Variants in STAG1 observed in about 807,000 individuals in gnomAD.
STAG1 encodes the protein STAG1 cohesin complex component, also known as cohesin subunit SA-1.
In STAG1, 26 loss-of-function variants were observed where a neutral mutation model predicts 170.9. That is an observed-to-expected ratio of 0.15 (90% CI 0.11 to 0.21). The LOEUF is 0.21. STAG1 is among the 10% of genes least tolerant of loss of function. The pLI is 1.00. For synonymous variants in STAG1, 514 were observed against 497.7 expected (o/e 1.03, Z -0.44); for missense variants, 964 against 1,509.5 (o/e 0.64, Z 5.99).
At chr3:136,369,573 T>C (rs546298525) in intron 23 of STAG1, among the ~76,000 whole-genome samples, 3 of 152,270 alleles carry the variant, frequency 2.0e-5, no homozygotes, top group Admixed American at 2.0e-4. Context: ...TTTTAAAAAA[T>C]GAGTTTAAGC....
chr3:136,419,303 G>C (rs1208190991), intron 20 of STAG1, among the ~76,000 whole-genome samples: 2 of 152,122 alleles, frequency 1.3e-5, no homozygotes, highest in Non-Finnish European at 2.9e-5. Context: ...TTTGAATTTT[G>C]AAGTACTGAT....
At chr3:136,487,854 C>T (rs1480117934) in intron 9 of STAG1, among the ~76,000 whole-genome samples, 1 of 152,130 alleles carries the variant, frequency 6.6e-6, no homozygotes, top group African/African-American at 2.4e-5. Flanking sequence ...CTGTTTTGTT[C>T]TCTCTGTGAT....
chr3:136,473,844 G>A (rs918869899), intron 10 of STAG1, among the ~76,000 whole-genome samples: 12 of 151,762 alleles, frequency 7.9e-5, no homozygotes, highest in Non-Finnish European at 1.5e-4. Flanking sequence ...TTAGTTACTT[G>A]AGAGTAAGTT....
At chr3:136,703,860 T>TA (rs1943148564) in intron 1 of STAG1, among the ~76,000 whole-genome samples, 1 of 150,946 alleles carries the variant, frequency 6.6e-6, no homozygotes, top group Non-Finnish European at 1.5e-5. Flanking sequence ...AAATACAAAA[T>TA]AATTAGCCAG....
intron 12 of STAG1, among the ~76,000 whole-genome samples, chr3:136,467,291 G>A (rs9848623): frequency 2.0e-5 from 3 of 151,782 alleles, no homozygotes; most frequent in South Asian, 2.1e-4. Flanking sequence ...ACACATAGGC[G>A]CAAAATAAAG....
intron 1 of STAG1, among the ~76,000 whole-genome samples, chr3:136,674,192 A>AGGGG: frequency 7.9e-6 from 1 of 126,038 alleles, no homozygotes; most frequent in African/African-American, 3.2e-5. Flanking sequence ...GGAGGGAGGG[A>AGGGG]AGGAGGGAAG....
chr3:136,567,910 T>A (rs1937140654), intron 5 of STAG1, among the ~76,000 whole-genome samples: 2 of 152,156 alleles, frequency 1.3e-5, no homozygotes, highest in Non-Finnish European at 2.9e-5. Flanking sequence ...GTATTTCCCC[T>A]CTTTCTTACT....
At chr3:136,695,657 C>A (rs1407414636) in intron 1 of STAG1, among the ~76,000 whole-genome samples, 1 of 151,482 alleles carries the variant, frequency 6.6e-6, no homozygotes, top group Non-Finnish European at 1.5e-5. Context: ...ACAAAACTTT[C>A]TTTAACAGGA....
intron 3 of STAG1, among the ~76,000 whole-genome samples, chr3:136,607,719 T>C (rs1939035838): frequency 1.3e-5 from 2 of 152,270 alleles, no homozygotes; most frequent in Non-Finnish European, 2.9e-5. Context: ...AATACTGTTT[T>C]ACTTTGTTGT....
rs188821760 is a variant in STAG1, at chr3:136,526,964, T to C, written c.472-5547A>G. The stretch of plus-strand genomic sequence containing the variant: ...GTACAGTTTCTGCTGAGAAATCCAC[T>C]GTTAGTCTGATGGGCTTCCCTTTGT... On this transcript the variant is annotated intron_variant, in intron 6 of 33. Coordinates refer to ENST00000383202, the MANE Select transcript of STAG1 (RefSeq NM_005862.3). Among the ~76,000 whole-genome samples the C allele has an allele frequency of 2.1e-4, 32 of 152,358 alleles. No individual in the cohort carries two copies. In the East Asian group the frequency reaches 5.0e-3, roughly 24 times the overall value.
At chr3:136,622,079 C>T (rs535219262) in intron 3 of STAG1, among the ~76,000 whole-genome samples, 81 of 144,588 alleles carry the variant, frequency 5.6e-4, no homozygotes, top group Middle Eastern at 7.4e-3. Flanking sequence ...GGGTGGATCA[C>T]CTGATGTCAA....
chr3:136,494,966 TGACCCTAA>T (rs1933001828), intron 9 of STAG1, among the ~76,000 whole-genome samples: 1 of 152,184 alleles, frequency 6.6e-6, no homozygotes, highest in Non-Finnish European at 1.5e-5. Context: ...ATTGACAAGC[TGACCCTAA>T]GATTTATACA....
intron 5 of STAG1, among the ~76,000 whole-genome samples, chr3:136,555,492 T>C (rs1318975745): frequency 6.6e-6 from 1 of 152,066 alleles, no homozygotes; most frequent in Non-Finnish European, 1.5e-5. Flanking sequence ...GAGACCAGCC[T>C]GGCCAATATG....
chr3:136,550,946 T>G (rs1466219903), intron 5 of STAG1, among the ~76,000 whole-genome samples: 1 of 152,040 alleles, frequency 6.6e-6, no homozygotes, highest in Non-Finnish European at 1.5e-5. Context: ...TCATATAAAA[T>G]CAAGTCACTA....
Position 136,507,540 on chromosome 3 carries a change from A to T in STAG1, c.677-4761T>A, listed in dbSNP as rs78614652. On this transcript the variant is annotated intron_variant, in intron 7 of 33. Coordinates refer to ENST00000383202, the MANE Select transcript of STAG1 (RefSeq NM_005862.3). The stretch of plus-strand genomic sequence containing the variant: ...CCATGCCCAGCTAATTAAAAAAAAA[A>T]TTTTTTTGTAGAGATGGGGGTCCCA... Among the ~76,000 whole-genome samples, 477 of 151,410 alleles carry T rather than the reference A, an allele frequency of 3.2e-3. 3 individuals are homozygous for T. The highest frequency in any genetic ancestry group is 7.9e-3 in the African/African-American group (326 of 41,232).
At chr3:136,357,150 G>A (rs1326776059) in intron 28 of STAG1, among the ~76,000 whole-genome samples, 4 of 151,814 alleles carry the variant, frequency 2.6e-5, no homozygotes, top group Non-Finnish European at 5.9e-5. Context: ...GGGTTTCACC[G>A]TGTTAGCCAG....
In STAG1 at chr3:136,336,895, GC is replaced by G. The variant is rs1935699528; in HGVS notation, c.*1358del. Reference sequence around the variant, plus strand: ...TCTGTTGCAGCTACTTTAAAAACCAGCCCAGAAACAGCTGTGGATGAATTGG... The same window carrying G: ...TCTGTTGCAGCTACTTTAAAAACCAGCCAGAAACAGCTGTGGATGAATTGG... On this transcript the variant is annotated 3_prime_UTR_variant, in exon 34 of 34. Transcript: ENST00000383202. The G allele has an allele frequency of 1.3e-5, 2 of 152,192 alleles. No homozygotes were observed. The highest frequency in any genetic ancestry group is 4.8e-5 in the African/African-American group (2 of 41,446). The allele number at this position is 152,192 out of a possible 1,614,324, so 9.4% of individuals were successfully genotyped here.
At chr3:136,457,864 G>A (rs1456145568) in intron 13 of STAG1, among the ~76,000 whole-genome samples, 1 of 152,108 alleles carries the variant, frequency 6.6e-6, no homozygotes, top group Non-Finnish European at 1.5e-5. Context: ...GGGAGGCCGA[G>A]ATGGGAGGAT....
At chr3:136,391,571 T>C (rs1045620648) in intron 22 of STAG1, among the ~76,000 whole-genome samples, 1 of 151,976 alleles carries the variant, frequency 6.6e-6, no homozygotes, top group African/African-American at 2.4e-5. Flanking sequence ...GAGACAGGGT[T>C]TCACCATGTT....
Sources: gnomAD v4.1 joint callset for allele counts (sites outside exome capture counted in the v4.1 genomes callset) on GRCh38, gnomAD v4.1.1 for gene constraint, MANE v1.5 for transcripts, NCBI Gene and HGNC (gene_info 2026-07-23, HGNC 2026-07-21) for gene names.